The following ADAMTS3 variants were observed in gnomAD, a reference collection of about 807,000 sequenced individuals.
ADAMTS3 encodes ADAM metallopeptidase with thrombospondin type 1 motif 3, also known as A disintegrin and metalloproteinase with thrombospondin motifs 3.
Under a neutral mutation model 129.0 loss-of-function variants are expected in ADAMTS3, and 73 were observed. That is an observed-to-expected ratio of 0.57 (90% CI 0.47 to 0.69). The LOEUF is 0.69. ADAMTS3 is among the 30% of genes least tolerant of loss of function. The probability of loss-of-function intolerance (pLI) is 0.00; values close to 1 mark genes in which losing one functional copy is unlikely to be tolerated. For missense variants in ADAMTS3, 1,457 were observed against 1,514.5 expected, an observed-to-expected ratio of 0.96 and a Z score of 0.63; for synonymous variants, 477 against 510.8, an observed-to-expected ratio of 0.93 and a Z score of 0.89.
chr4:72,568,680 T>C lies in ADAMTS3; in HGVS notation c.69+14A>G, dbSNP rs1483811204. 1.2e-6 allele frequency: 2 copies of C among 1,610,190 alleles called. No individual in the cohort carries two copies. The highest frequency in any genetic ancestry group is 1.7e-6 in the Non-Finnish European group (2 of 1,177,302). On this transcript the variant is annotated intron_variant, in intron 1 of 21. Coordinates refer to ENST00000286657, the MANE Select transcript of ADAMTS3 (RefSeq NM_014243.3). ...GGTTTGAGTTTTTTTTTATTGTTAT[T>C]ATTTTCCACTTACTTGTCCATCAGC...
chr4:72,419,900 A>G (rs951581032), intron 3 of ADAMTS3, among the ~76,000 whole-genome samples: 1 of 152,170 alleles, frequency 6.6e-6, no homozygotes, highest in African/African-American at 2.4e-5. Context: ...ATAAAAAAGA[A>G]TGTTGATCGG....
At chr4:72,446,243 A>G (rs1216489510) in intron 3 of ADAMTS3, among the ~76,000 whole-genome samples, 1 of 151,664 alleles carries the variant, frequency 6.6e-6, no homozygotes, top group African/African-American at 2.4e-5. Flanking sequence ...CATTTCCTCA[A>G]TGTATCTTTT....
At chr4:72,371,872 T>A (rs1343581131) in intron 4 of ADAMTS3, among the ~76,000 whole-genome samples, 1 of 149,942 alleles carries the variant, frequency 6.7e-6, no homozygotes, top group Admixed American at 6.7e-5. Context: ...TAACATTTCA[T>A]GCTGGGCCAT....
At chr4:72,501,318 A>G (rs1226362377) in intron 3 of ADAMTS3, among the ~76,000 whole-genome samples, 1 of 152,024 alleles carries the variant, frequency 6.6e-6, no homozygotes, top group Non-Finnish European at 1.5e-5. Flanking sequence ...GTCCTTGTAG[A>G]GCTCTTTCAC....
chr4:72,420,460 A>G (rs1344302077), intron 3 of ADAMTS3, among the ~76,000 whole-genome samples: 1 of 152,162 alleles, frequency 6.6e-6, no homozygotes, highest in Non-Finnish European at 1.5e-5. Context: ...AAGAGCATAC[A>G]CGGACTACCC....
Position 72,567,378 on chromosome 4 carries a change from T to C in ADAMTS3, c.93A>G (p.Gln31=). 3 of 1,612,694 alleles carry C rather than the reference T, an allele frequency of 1.9e-6. No homozygotes were observed. Among genetic ancestry groups the C allele is most frequent in the Non-Finnish European group, 2.5e-6 (3 of 1,179,556 alleles). The change falls in exon 2 of 22, where the codon CAA becomes CAG. Residue 31 remains glutamine (Q), a synonymous_variant. Coordinates refer to ENST00000286657, the MANE Select transcript of ADAMTS3 (RefSeq NM_014243.3). ...ACATCTGAGAACAAAGCTTACCTAT[T>C]TGCACCATTTCTTCATTACCAGCCT... ...DGQAGNEEMV[Q]IDLPIKRYRE...
Position 72,464,870 on chromosome 4 carries a change from A to C in ADAMTS3, c.505-49899T>G, listed in dbSNP as rs74854439. On this transcript the variant is annotated intron_variant, in intron 3 of 21. Transcript: ENST00000286657. ...TCAGGCGTTTGTGTGTCACCAAATG[A>C]GTATTCAAGCATTCACAATCACAAG... Among the ~76,000 whole-genome samples the C allele has an allele frequency of 5.3e-3, 813 of 152,154 alleles. 5 individuals carry two copies. The highest frequency in any genetic ancestry group is 0.019 in the African/African-American group (786 of 41,550).
intron 14 of ADAMTS3, among the ~76,000 whole-genome samples, chr4:72,309,775 T>C (rs1719184347): frequency 6.6e-6 from 1 of 152,098 alleles, no homozygotes; most frequent in South Asian, 2.1e-4. Flanking sequence ...TAAATTGTCA[T>C]AGTCATCAAA....
In ADAMTS3 at chr4:72,419,367, T is replaced by A. The variant is rs927817637; in HGVS notation, c.505-4396A>T. Among the ~76,000 whole-genome samples the A allele has an allele frequency of 3.7e-4, 56 of 152,170 alleles. 1 individual carries two copies. The highest frequency in any genetic ancestry group is 1.4e-3 in the African/African-American group (56 of 41,438). On this transcript the variant is annotated intron_variant, in intron 3 of 21. Coordinates refer to ENST00000286657, the MANE Select transcript of ADAMTS3 (RefSeq NM_014243.3). ...AATAAAGTTCTGATGAAAAATTACA[T>A]GAATGAGTGAATGATACAAATGAGG... is the stretch of plus-strand genomic sequence containing the variant.
chr4:72,354,141 CATATT>C (rs1212713096), intron 4 of ADAMTS3, among the ~76,000 whole-genome samples: 1 of 151,950 alleles, frequency 6.6e-6, no homozygotes, highest in Non-Finnish European at 1.5e-5. Flanking sequence ...TTCCAAGTAA[CATATT>C]ATTAACTATT....
rs772037462 is a variant in ADAMTS3, at chr4:72,548,711, A to C, written c.271T>G (p.Phe91Val). The C allele has an allele frequency of 1.2e-6, 2 of 1,613,980 alleles. No homozygotes were observed. ...GTGTTGGGCTTTAGTCGCAGATGAA[A>C]ATCTTTTCCAAATGCCGTGATGTTA... is the stretch of plus-strand genomic sequence containing the variant. ...FFNITAFGKD[F>V]HLRLKPNTQL... is the part of the protein sequence containing the mutation. The change falls in exon 3 of 22, where the codon TTT becomes GTT. Residue 91 changes from phenylalanine to valine, a missense_variant. Physicochemically the swap from Phe to Val is conservative, Grantham distance 50. Transcript: ENST00000286657.
At chr4:72,537,334 T>G (rs1721206742) in intron 3 of ADAMTS3, among the ~76,000 whole-genome samples, 1 of 152,180 alleles carries the variant, frequency 6.6e-6, no homozygotes, top group South Asian at 2.1e-4. Context: ...TTTTTGTTAC[T>G]CCCTCCATTG....
At chr4:72,556,433 G>A (rs2679016) in intron 2 of ADAMTS3, among the ~76,000 whole-genome samples, 146,234 of 151,838 alleles carry the variant, frequency 0.96, 70,826 homozygotes, top group East Asian at 1. Flanking sequence ...TAAAAGAACA[G>A]AAGTCTTCAG....
chr4:72,406,981 G>A lies in ADAMTS3; in HGVS notation c.661+7834C>T, dbSNP rs1283406038. On this transcript the variant is annotated intron_variant, in intron 4 of 21. Transcript: ENST00000286657. ...AGAACTTAGATGATAGCAACCTAAGGTGAACCACACAAACGCTTCTACTGA... is the reference window on the plus strand; with the variant it reads ...AGAACTTAGATGATAGCAACCTAAGATGAACCACACAAACGCTTCTACTGA... Among the ~76,000 whole-genome samples the A allele has an allele frequency of 2.0e-5, 3 of 152,020 alleles. No individual in the cohort carries two copies. The East Asian group carries it at 5.8e-4, about 29-fold the overall frequency.
intron 3 of ADAMTS3, among the ~76,000 whole-genome samples, chr4:72,466,989 T>C (rs911320359): frequency 6.6e-6 from 1 of 152,070 alleles, no homozygotes; most frequent in South Asian, 2.1e-4. Context: ...ATATGTCACA[T>C]TTAAAACCTC....
intron 5 of ADAMTS3, among the ~76,000 whole-genome samples, chr4:72,337,958 G>T (rs1720031473): frequency 6.6e-6 from 1 of 151,894 alleles, no homozygotes; most frequent in Non-Finnish European, 1.5e-5. Flanking sequence ...CCAGATAGTA[G>T]AAAAAAAGTA....
chr4:72,568,101 G>C (rs777149632), intron 1 of ADAMTS3: 1 of 153,136 alleles, frequency 6.5e-6, no homozygotes, highest in Non-Finnish European at 1.5e-5. Context: ...CAGGAAAACG[G>C]AGGGCAGGAA....
chr4:72,309,695 A>T (rs1205312452), intron 14 of ADAMTS3, among the ~76,000 whole-genome samples, 175 bp from the exon 15 acceptor site: 3 of 152,052 alleles, frequency 2.0e-5, no homozygotes, highest in African/African-American at 7.2e-5. Context: ...ATAATGGGAA[A>T]CCAAATGACT....
intron 12 of ADAMTS3, among the ~76,000 whole-genome samples, chr4:72,313,154 CT>C (rs1719290738): frequency 6.6e-6 from 1 of 152,062 alleles, no homozygotes; most frequent in Non-Finnish European, 1.5e-5. Flanking sequence ...TTGTTTTTTT[CT>C]TCGTAAAGAT....
Sources: allele counts gnomAD v4.1 joint callset (sites outside exome capture counted in the v4.1 genomes callset), GRCh38; gene constraint gnomAD v4.1.1; transcripts MANE v1.5; gene names NCBI Gene and HGNC (gene_info 2026-07-23, HGNC 2026-07-21).